Variants in ADAMTS20 observed in about 807,000 individuals in gnomAD.
ADAMTS20 encodes A disintegrin and metalloproteinase with thrombospondin motifs 20.
In ADAMTS20, 225 loss-of-function variants were observed where a neutral mutation model predicts 260.1. That is an observed-to-expected ratio of 0.87 (90% CI 0.78 to 0.97). The LOEUF is 0.97. Ranked by LOEUF, ADAMTS20 falls within the 50% of genes least tolerant of loss-of-function variation. The pLI is 0.00. For synonymous variants in ADAMTS20, 802 were observed against 769.5 expected, an observed-to-expected ratio of 1.04 and a Z score of -0.70; for missense variants, 2,400 against 2,337.7, an observed-to-expected ratio of 1.03 and a Z score of -0.55.
At chr12:43,402,434 G>T (rs1431750478) in intron 28 of ADAMTS20, among the ~76,000 whole-genome samples, 2 of 151,936 alleles carry the variant, frequency 1.3e-5, no homozygotes, top group East Asian at 3.9e-4. Context: ...TCTGAAGAGG[G>T]TAAGTACAGA....
intron 3 of ADAMTS20, among the ~76,000 whole-genome samples, chr12:43,524,637 AT>A (rs1164048163): frequency 6.6e-6 from 1 of 152,204 alleles, no homozygotes; most frequent in Non-Finnish European, 1.5e-5. Flanking sequence ...AATGGAAAAA[AT>A]TTTAAAGAGA....
chr12:43,519,578 C>T (rs1053675424), intron 3 of ADAMTS20, among the ~76,000 whole-genome samples: 1 of 152,132 alleles, frequency 6.6e-6, no homozygotes, highest in African/African-American at 2.4e-5. Flanking sequence ...TATTCAATGT[C>T]CAACTCCACT....
chr12:43,384,009 A>G, intron 29 of ADAMTS20, 32 bp from the exon 30 acceptor site: 1 of 1,564,292 alleles, frequency 6.4e-7, no homozygotes, highest in African/African-American at 1.4e-5. Context: ...TTGAACAATT[A>G]GCTAATAAAT....
chr12:43,523,697 G>C (rs1302676503), intron 3 of ADAMTS20, among the ~76,000 whole-genome samples: 1 of 152,124 alleles, frequency 6.6e-6, no homozygotes, highest in African/African-American at 2.4e-5. Context: ...ATACTTCTGT[G>C]CAGTAGAGGA....
rs917918819 is a variant in ADAMTS20 at position 43,432,355 on chromosome 12, C to T, written c.3045G>A (p.Glu1015=). The change falls in exon 21 of 39, where the codon GAG becomes GAA. Residue 1015 remains glutamate (E), a synonymous_variant. Transcript: ENST00000389420. ...ECQELSRVTR[E]NCNEFSCPSW... is the part of the protein sequence containing the mutation. ...TGGGACAGGAAAATTCATTGCAATT[C>T]TCTCTCGTCACTCGGGACAGTTCTT... 1 of 1,613,768 alleles carries T rather than the reference C, an allele frequency of 6.2e-7. No homozygotes were observed. The highest frequency in any genetic ancestry group is 1.3e-5 in the African/African-American group (1 of 74,874).
chr12:43,533,458 T>C (rs1219187840), intron 2 of ADAMTS20, among the ~76,000 whole-genome samples: 2 of 99,952 alleles, frequency 2.0e-5, no homozygotes, highest in Admixed American at 1.1e-4. Context: ...TACAAACCAC[T>C]GCTCAAGGAA....
chr12:43,439,485 T>C (rs1040709746), intron 18 of ADAMTS20, 137 bp downstream of exon 18: 5 of 1,011,998 alleles, frequency 4.9e-6, no homozygotes, highest in Middle Eastern at 6.9e-4. Flanking sequence ...GAAAAAAAGA[T>C]TGAAAACTTT....
At chr12:43,366,223 A>G (rs1939982835) in intron 37 of ADAMTS20, among the ~76,000 whole-genome samples, 1 of 151,878 alleles carries the variant, frequency 6.6e-6, no homozygotes, top group African/African-American at 2.4e-5. Flanking sequence ...TTAAAACAAA[A>G]ACATTACTGT....
intron 3 of ADAMTS20, among the ~76,000 whole-genome samples, chr12:43,530,585 G>A (rs1943207121): frequency 6.6e-6 from 1 of 152,150 alleles, no homozygotes; most frequent in African/African-American, 2.4e-5. Context: ...GCATCACAGT[G>A]TTTGGAACTA....
At chr12:43,523,375 A>C (rs1482111747) in intron 3 of ADAMTS20, among the ~76,000 whole-genome samples, 1 of 152,112 alleles carries the variant, frequency 6.6e-6, no homozygotes, top group Non-Finnish European at 1.5e-5. Flanking sequence ...TAACTCAGGT[A>C]GTGGTCATAA....
At chr12:43,499,751 C>G (rs1942730137) in intron 4 of ADAMTS20, among the ~76,000 whole-genome samples, 1 of 152,126 alleles carries the variant, frequency 6.6e-6, no homozygotes, top group South Asian at 2.1e-4. Flanking sequence ...GATCCACCCA[C>G]CTTGGCCTCC....
At chr12:43,498,668 C>T (rs115650943) in intron 4 of ADAMTS20, among the ~76,000 whole-genome samples, 1 of 152,316 alleles carries the variant, frequency 6.6e-6, no homozygotes, top group African/African-American at 2.4e-5. Context: ...CACTTATGTG[C>T]AAATAGCATT....
At chr12:43,501,712 GTATAACT>G (rs1269900644) in intron 4 of ADAMTS20, among the ~76,000 whole-genome samples, 1 of 152,016 alleles carries the variant, frequency 6.6e-6, no homozygotes, top group Non-Finnish European at 1.5e-5. Flanking sequence ...ATAAATACAT[GTATAACT>G]TAAAATATTA....
chr12:43,527,346 G>A (rs957794137), intron 3 of ADAMTS20, among the ~76,000 whole-genome samples: 1 of 151,882 alleles, frequency 6.6e-6, no homozygotes, highest in Non-Finnish European at 1.5e-5. Flanking sequence ...ATCCTATGAA[G>A]TCAGCATCAC....
chr12:43,466,569 A>C, intron 9 of ADAMTS20, 83 bp downstream of exon 9: 1 of 1,320,592 alleles, frequency 7.6e-7, no homozygotes. Context: ...AAAGCTAAAC[A>C]GAAATTGAAC....
intron 28 of ADAMTS20, among the ~76,000 whole-genome samples, chr12:43,421,400 A>G (rs1941236062): frequency 6.6e-6 from 1 of 152,044 alleles, no homozygotes; most frequent in African/African-American, 2.4e-5. Flanking sequence ...CCCAAAGCAC[A>G]CTGAATACAC....
chr12:43,470,512 G>A (rs1287988699), intron 7 of ADAMTS20, among the ~76,000 whole-genome samples: 1 of 152,166 alleles, frequency 6.6e-6, no homozygotes, highest in African/African-American at 2.4e-5. Context: ...ATGGAAACAT[G>A]CCGCTGGTTG....
intron 36 of ADAMTS20, among the ~76,000 whole-genome samples, chr12:43,372,411 A>G (rs1940126565): frequency 6.6e-6 from 1 of 152,208 alleles, no homozygotes; most frequent in Non-Finnish European, 1.5e-5. Context: ...CAGGTTATTG[A>G]TGACTTTGAT....
chr12:43,531,859 G>A (rs1943225530), intron 3 of ADAMTS20, among the ~76,000 whole-genome samples, 177 bp downstream of exon 3: 1 of 152,006 alleles, frequency 6.6e-6, no homozygotes, highest in Non-Finnish European at 1.5e-5. Context: ...CACAATGTAT[G>A]CATACTTCAA....
Sources: gnomAD v4.1 joint callset for allele counts (sites outside exome capture counted in the v4.1 genomes callset) on GRCh38, gnomAD v4.1.1 for gene constraint, MANE v1.5 for transcripts, NCBI Gene and HGNC (gene_info 2026-07-23, HGNC 2026-07-21) for gene names.